The following MARCO variants were observed in gnomAD, a reference collection of about 807,000 sequenced individuals.
MARCO encodes the protein macrophage receptor MARCO.
In MARCO, 72 loss-of-function variants were observed where a neutral mutation model predicts 70.0. That is an observed-to-expected ratio of 1.03 (90% CI 0.85 to 1.25). The LOEUF (loss-of-function observed/expected upper bound fraction) is 1.25, where lower values mean the gene tolerates loss of function less well. Among genes scored for constraint, MARCO ranks in the 50% most tolerant of loss-of-function variants. The probability of loss-of-function intolerance (pLI) is 0.00; values close to 1 mark genes in which losing one functional copy is unlikely to be tolerated. For synonymous variants in MARCO, 273 were observed against 243.1 expected (o/e 1.12, Z -1.14); for missense variants, 696 against 659.3 (o/e 1.06, Z -0.61).
intron 8 of MARCO, among the ~76,000 whole-genome samples, chr2:118,978,314 A>G (rs1251378026): frequency 6.6e-6 from 1 of 152,192 alleles, no homozygotes; most frequent in Non-Finnish European, 1.5e-5. Context: ...TCCCCCATTG[A>G]CTGAGGGTGC....
chr2:118,982,196 A>G lies in MARCO; in HGVS notation c.942A>G (p.Ala314=), dbSNP rs1680406012. The change falls in exon 11 of 17, where the codon GCA becomes GCG. Residue 314 remains alanine (A), a synonymous_variant. Transcript: ENST00000327097. ...GLQGVPGPPG[A]VGHPGAKGEP... ...AGGGTGTTCCGGGCCCTCCTGGTGC[A>G]GTGGGACACCCAGGTGCCAAGGGTG... 6.2e-7 allele frequency: 1 copy of G among 1,613,184 alleles called. No individual in the cohort carries two copies. Among genetic ancestry groups the G allele is most frequent in the African/African-American group, 1.3e-5 (1 of 74,878 alleles).
intron 13 of MARCO, 62 bp from the exon 14 acceptor site, chr2:118,991,715 C>T: frequency 2.1e-6 from 2 of 951,768 alleles, no homozygotes; most frequent in Non-Finnish European, 3.2e-6. Flanking sequence ...CAGTAATGCC[C>T]TTGGGTCTCT....
At chr2:118,982,687 A>ATCTCCC (rs1680417589) in intron 12 of MARCO, among the ~76,000 whole-genome samples, 1 of 151,998 alleles carries the variant, frequency 6.6e-6, no homozygotes, top group South Asian at 2.1e-4. Flanking sequence ...TGCCCATACC[A>ATCTCCC]TCTCCCTGGT....
intron 12 of MARCO, among the ~76,000 whole-genome samples, chr2:118,983,804 G>T (rs1399882478): frequency 6.6e-6 from 1 of 151,898 alleles, no homozygotes; most frequent in Admixed American, 6.6e-5. Context: ...GTCACCCTCT[G>T]CCCCCACCCC....
chr2:118,978,023 C>A, intron 8 of MARCO, 88 bp downstream of exon 8: 2 of 792,302 alleles, frequency 2.5e-6, no homozygotes, highest in South Asian at 1.7e-5. Flanking sequence ...CTATTCAGTG[C>A]CCACTGAGGG....
At chr2:118,981,532 A>G in intron 9 of MARCO, 25 bp downstream of exon 9, 4 of 1,589,082 alleles carry the variant, frequency 2.5e-6, no homozygotes, top group Non-Finnish European at 2.6e-6. Context: ...GGTCACATCC[A>G]CTGACCTCTA....
intron 1 of MARCO, among the ~76,000 whole-genome samples, chr2:118,967,051 A>T (rs1382650610): frequency 6.6e-6 from 1 of 152,238 alleles, no homozygotes; most frequent in African/African-American, 2.4e-5. Flanking sequence ...TGTGTGCCAG[A>T]TACCACGTTG....
At chr2:118,973,574 T>A (rs73948245) in intron 4 of MARCO, among the ~76,000 whole-genome samples, 10,874 of 152,122 alleles carry the variant, frequency 0.071, 1,306 homozygotes, top group African/African-American at 0.25. Context: ...CCCTTCCCCA[T>A]GGCTTGCCTT....
At chr2:118,949,475 T>G (rs13425622) in intron 1 of MARCO, 59,060 of 151,994 alleles carry the variant, frequency 0.39, 14,492 homozygotes, top group African/African-American at 0.68. Context: ...TTGGGAAAGG[T>G]GCAGTTGTAG....
intron 6 of MARCO, 94 bp from the exon 7 acceptor site, chr2:118,977,377 T>A (rs1680303828): frequency 9.6e-7 from 1 of 1,036,696 alleles, no homozygotes; most frequent in Non-Finnish European, 1.5e-6. Context: ...CTGGGAACCT[T>A]GCTCAACTAA....
intron 6 of MARCO, 82 bp downstream of exon 6, chr2:118,974,647 C>T: frequency 3.7e-6 from 5 of 1,355,224 alleles, no homozygotes; most frequent in Non-Finnish European, 5.1e-6. Context: ...CGCAGCCTCC[C>T]TCCAGAGTCT....
chr2:118,992,105 A>G (rs1680633953), intron 14 of MARCO, among the ~76,000 whole-genome samples: 1 of 152,220 alleles, frequency 6.6e-6, no homozygotes, highest in African/African-American at 2.4e-5. Context: ...GGGCGTGAAC[A>G]TGCACTTGAG....
chr2:118,993,321 G>A (rs2104616658), intron 16 of MARCO, 21 bp downstream of exon 16: 1 of 1,612,858 alleles, frequency 6.2e-7, no homozygotes, highest in Non-Finnish European at 8.5e-7. Flanking sequence ...CATCAGCCGG[G>A]GGCCTCTTCC....
At chr2:118,990,445 AG>A (rs1170630102) in intron 12 of MARCO, 143 bp from the exon 13 acceptor site, 1 of 755,558 alleles carries the variant, frequency 1.3e-6, no homozygotes, top group African/African-American at 1.8e-5. Flanking sequence ...GATCTGCTGA[AG>A]AGGCTTTAAA....
In MARCO at chr2:118,982,360, G is replaced by A. The variant is rs776032227; in HGVS notation, c.1013G>A (p.Ser338Asn). 1.2e-5 allele frequency: 20 copies of A among 1,613,934 alleles called. No homozygotes were observed. Among genetic ancestry groups the A allele is most frequent in the Middle Eastern group, 3.3e-4 (2 of 6,058 alleles). Residue 338 changes from serine (S) to asparagine (N), a missense_variant, in exon 12 of 17, where the codon AGC becomes AAC. Around this residue, in one of 3 missense-constraint regions of MARCO, gnomAD observed 605 missense variants for 537.6 expected, o/e 1.13. Transcript: ENST00000327097. ...GSPGRAGLPGSPGSPGATGLK... is the reference protein window; with the variant it reads ...GSPGRAGLPGNPGSPGATGLK... ...GTCTGTTGTCCAGGACTTCCAGGGAGCCCCGGGAGTCCAGGAGCCACAGGC... is the reference window on the plus strand; with the variant it reads ...GTCTGTTGTCCAGGACTTCCAGGGAACCCCGGGAGTCCAGGAGCCACAGGC...
chr2:118,956,361 C>T (rs1417569051), intron 1 of MARCO, among the ~76,000 whole-genome samples: 1 of 152,094 alleles, frequency 6.6e-6, no homozygotes, highest in African/African-American at 2.4e-5. Flanking sequence ...TCAGACAAAA[C>T]AATCTTTAAA....
chr2:118,957,114 A>G (rs1679851687), intron 1 of MARCO, among the ~76,000 whole-genome samples: 2 of 152,144 alleles, frequency 1.3e-5, no homozygotes, highest in African/African-American at 4.8e-5. Context: ...ACGCAAACCC[A>G]GCAGAAGAAA....
intron 12 of MARCO, among the ~76,000 whole-genome samples, chr2:118,989,335 C>T (rs911137507): frequency 1.3e-4 from 20 of 152,174 alleles, no homozygotes; most frequent in African/African-American, 4.6e-4. Context: ...AAAAACCTAT[C>T]CCAACCTCAG....
intron 16 of MARCO, 146 bp from the exon 17 acceptor site, chr2:118,994,241 A>G: frequency 1.2e-6 from 1 of 812,796 alleles, no homozygotes; most frequent in Non-Finnish European, 2.0e-6. Flanking sequence ...TAAGCCAGCC[A>G]TCAGCACATT....
Sources: gnomAD v4.1 joint callset for allele counts (sites outside exome capture counted in the v4.1 genomes callset) on GRCh38, gnomAD v4.1.1 for gene constraint, gnomAD v4.1.1 regional missense constraint, MANE v1.5 for transcripts, NCBI Gene and HGNC (gene_info 2026-07-23, HGNC 2026-07-21) for gene names.